The following KIRREL1 variants were observed in gnomAD, a reference collection of about 807,000 sequenced individuals.
KIRREL1 encodes the protein kirre like nephrin family adhesion molecule 1.
In KIRREL1, 25 loss-of-function variants were observed where a neutral mutation model predicts 83.3. The ratio of observed to expected loss-of-function variants is 0.30; its 90% CI spans 0.22 to 0.42. The LOEUF (loss-of-function observed/expected upper bound fraction) is 0.42. KIRREL1 is among the 10% of genes least tolerant of loss of function. The pLI, the probability that KIRREL1 is intolerant of heterozygous loss-of-function variation, is 1.00. For synonymous variants in KIRREL1, 388 were observed against 410.4 expected, an observed-to-expected ratio of 0.95 and a Z score of 0.66; for missense variants, 812 against 1,032.3, an observed-to-expected ratio of 0.79 and a Z score of 2.92.
chr1:158,084,479 C>A lies in KIRREL1; in HGVS notation c.410C>A (p.Thr137Asn), dbSNP rs962225652. 31 of 1,551,530 alleles carry A rather than the reference C, an allele frequency of 2.0e-5. No individual in the cohort carries two copies. Among genetic ancestry groups the A allele is most frequent in the Non-Finnish European group, 2.3e-5 (26 of 1,146,936 alleles). ...CCTGTGATTCTACTGCAGGCAGGCA[C>A]CCCCCACAACCTCACATGCCGGGCC... is the stretch of plus-strand genomic sequence containing the variant. ...GGPVILLQAG[T>N]PHNLTCRAFN... Residue 137 changes from threonine (T) to asparagine (N), a missense_variant, in exon 4 of 15, where the codon ACC (threonine) becomes AAC (asparagine). Transcript: ENST00000359209.
rs1662057534 is a variant in KIRREL1, at chr1:158,087,744, C to T, written c.662-11C>T. 1 of 1,606,312 alleles carries T rather than the reference C, an allele frequency of 6.2e-7. No individual in the cohort carries two copies. The highest frequency in any genetic ancestry group is 1.7e-5 in the Admixed American group (1 of 59,690). On this transcript the variant is annotated splice_polypyrimidine_tract_variant and intron_variant, in intron 5 of 14. Transcript: ENST00000359209. ...AGAAAAGACCCTGACTCCCTGTGCT[C>T]TACTTTGCAGACCCTCCTACAGTGA... is the stretch of plus-strand genomic sequence containing the variant.
chr1:158,011,944 T>G (rs1357559417), intron 1 of KIRREL1, among the ~76,000 whole-genome samples: 1 of 152,112 alleles, frequency 6.6e-6, no homozygotes, highest in Non-Finnish European at 1.5e-5. Flanking sequence ...GCTCTCAGTT[T>G]CTTTCTCCAT....
At chr1:157,996,619 T>C (rs527511767) in intron 1 of KIRREL1, among the ~76,000 whole-genome samples, 2 of 152,196 alleles carry the variant, frequency 1.3e-5, no homozygotes, top group Non-Finnish European at 2.9e-5. Context: ...AGCTGAATCC[T>C]GGCAGAGAAC....
At chr1:158,038,574 C>T (rs1352198723) in intron 1 of KIRREL1, among the ~76,000 whole-genome samples, 1 of 142,416 alleles carries the variant, frequency 7.0e-6, no homozygotes, top group Non-Finnish European at 1.5e-5. Context: ...TGATTCTTGC[C>T]TTGGCCCCCC....
intron 10 of KIRREL1, among the ~76,000 whole-genome samples, chr1:158,090,912 C>A (rs1205181938): frequency 6.6e-6 from 1 of 152,122 alleles, no homozygotes; most frequent in Non-Finnish European, 1.5e-5. Flanking sequence ...CACACAGGGG[C>A]TTGATGGGGA....
chr1:158,041,034 A>G (rs779364533), intron 1 of KIRREL1, among the ~76,000 whole-genome samples: 1 of 152,200 alleles, frequency 6.6e-6, no homozygotes, highest in Non-Finnish European at 1.5e-5. Context: ...CATCCAGGAG[A>G]AACTACAACC....
intron 1 of KIRREL1, among the ~76,000 whole-genome samples, chr1:158,017,395 T>C (rs1350058302): frequency 2.0e-5 from 3 of 152,104 alleles, no homozygotes; most frequent in African/African-American, 7.2e-5. Flanking sequence ...TTTTTTCCTA[T>C]TAAAATACAT....
At chr1:158,086,995 C>A (rs2101637629) in intron 5 of KIRREL1, among the ~76,000 whole-genome samples, 1 of 152,266 alleles carries the variant, frequency 6.6e-6, no homozygotes, top group South Asian at 2.1e-4. Flanking sequence ...GGTTTACACT[C>A]TCTGGGCCTC....
rs1662421440 is a variant in KIRREL1 at position 158,098,881 on chromosome 1, C to T, written c.*3761C>T. ...TGCTTTCAAAATGGAGCACGTCGCA[C>T]TGGAGTTTCGTGCCCTCTCGTTAAC... On this transcript the variant is annotated 3_prime_UTR_variant, in exon 15 of 15. Coordinates refer to ENST00000359209, the MANE Select transcript of KIRREL1 (RefSeq NM_018240.7). The T allele has an allele frequency of 1.3e-5, 2 of 152,242 alleles. No homozygotes were observed. Among genetic ancestry groups the T allele is most frequent in the African/African-American group, 2.4e-5 (1 of 41,474 alleles). 9.4% of individuals were successfully genotyped at this position (152,242 alleles called of 1,614,324 possible). A position where few individuals can be genotyped will look rare whatever the true frequency, so the allele number is the denominator to read the frequency against.
chr1:158,022,502 T>C (rs912646), intron 1 of KIRREL1, among the ~76,000 whole-genome samples: 143,263 of 152,234 alleles, frequency 0.94, 67,612 homozygotes, highest in East Asian at 1. Context: ...ACTGTTCTTC[T>C]TGCTACAGCT....
At chr1:157,997,019 C>G (rs1314395268) in intron 1 of KIRREL1, among the ~76,000 whole-genome samples, 1 of 152,194 alleles carries the variant, frequency 6.6e-6, no homozygotes, top group Non-Finnish European at 1.5e-5. Context: ...ACCTCTGCCC[C>G]CCTAGGACCT....
chr1:158,047,760 G>A (rs1020008320), intron 1 of KIRREL1, among the ~76,000 whole-genome samples: 2 of 152,042 alleles, frequency 1.3e-5, no homozygotes, highest in African/African-American at 4.8e-5. Flanking sequence ...ATGAGTCCCT[G>A]GTCCAATGAA....
chr1:158,084,479 C>G lies in KIRREL1; in HGVS notation c.410C>G (p.Thr137Ser). ...GGPVILLQAG[T>S]PHNLTCRAFN... is the part of the protein sequence containing the mutation. ...CCTGTGATTCTACTGCAGGCAGGCACCCCCCACAACCTCACATGCCGGGCC... is the reference window on the plus strand; with the variant it reads ...CCTGTGATTCTACTGCAGGCAGGCAGCCCCCACAACCTCACATGCCGGGCC... The change falls in exon 4 of 15, where the codon ACC (threonine) becomes AGC (serine). Residue 137 changes from threonine to serine, a missense_variant. This residue lies in a region of KIRREL1 where 472 missense variants were observed against 626.8 expected (regional missense o/e 0.75). Coordinates refer to ENST00000359209, the MANE Select transcript of KIRREL1 (RefSeq NM_018240.7). 1.3e-6 allele frequency: 2 copies of G among 1,551,648 alleles called. No individual in the cohort carries two copies. The highest frequency in any genetic ancestry group is 1.7e-6 in the Non-Finnish European group (2 of 1,146,928).
intron 2 of KIRREL1, 106 bp downstream of exon 2, chr1:158,076,368 TC>T: frequency 1.0e-6 from 1 of 997,140 alleles, no homozygotes; most frequent in Non-Finnish European, 1.5e-6. Context: ...CTCACCACCC[TC>T]CTCTGTGCCA....
Position 158,089,796 on chromosome 1 carries a change from G to A in KIRREL1, c.1250G>A (p.Ser417Asn). 6.2e-7 allele frequency: 1 copy of A among 1,614,062 alleles called. No homozygotes were observed. Among genetic ancestry groups the A allele is most frequent in the African/African-American group, 1.3e-5 (1 of 75,004 alleles). The change falls in exon 10 of 15, where the codon AGC (serine) becomes AAC (asparagine). Residue 417 changes from serine (S) to asparagine (N), a missense_variant. This residue lies in a region of KIRREL1 where 472 missense variants were observed against 626.8 expected (regional missense o/e 0.75). Coordinates refer to ENST00000359209, the MANE Select transcript of KIRREL1 (RefSeq NM_018240.7). Reference protein sequence around the residue: ...DGGKVECFIGSTPPPDRIAWA... With the variant: ...DGGKVECFIGNTPPPDRIAWA... The stretch of plus-strand genomic sequence containing the variant: ...GGCAAGGTGGAGTGTTTCATTGGGA[G>A]CACACCACCCCCAGACCGCATAGTG...
chr1:158,067,902 A>G (rs1661397920), intron 1 of KIRREL1, among the ~76,000 whole-genome samples: 1 of 152,210 alleles, frequency 6.6e-6, no homozygotes, highest in Non-Finnish European at 1.5e-5. Context: ...ATGCAAGGAA[A>G]CCAGGCCAGA....
At chr1:158,067,212 ATC>A (rs1164780714) in intron 1 of KIRREL1, among the ~76,000 whole-genome samples, 1 of 152,040 alleles carries the variant, frequency 6.6e-6, no homozygotes, top group Non-Finnish European at 1.5e-5. Flanking sequence ...CAGCTGCCTG[ATC>A]TCTATCCTCC....
intron 1 of KIRREL1, among the ~76,000 whole-genome samples, chr1:158,066,859 T>C (rs1276431090): frequency 6.6e-6 from 1 of 152,192 alleles, no homozygotes; most frequent in Non-Finnish European, 1.5e-5. Context: ...CTGTCTCCCC[T>C]ACCTCCCTTC....
intron 1 of KIRREL1, among the ~76,000 whole-genome samples, chr1:158,043,412 C>G (rs1195136137): frequency 6.6e-6 from 1 of 152,194 alleles, no homozygotes; most frequent in Non-Finnish European, 1.5e-5. Context: ...CCCGGCTGCA[C>G]GCCTCCCTTC....
Sources: allele counts gnomAD v4.1 joint callset (sites outside exome capture counted in the v4.1 genomes callset), GRCh38; gene constraint gnomAD v4.1.1; regional missense constraint gnomAD v4.1.1; transcripts MANE v1.5; gene names NCBI Gene and HGNC (gene_info 2026-07-23, HGNC 2026-07-21).